The following CHORDC1 variants were observed in gnomAD, a reference collection of about 807,000 sequenced individuals.
CHORDC1 encodes cysteine and histidine-rich domain-containing protein 1.
In CHORDC1, 25 loss-of-function variants were observed where a neutral mutation model predicts 48.3. The ratio of observed to expected loss-of-function variants is 0.52; its 90% CI spans 0.38 to 0.72. The LOEUF is 0.72. Among genes scored for constraint, CHORDC1 ranks in the 30% least tolerant of loss-of-function variants. CHORDC1 has a pLI of 0.00. For synonymous variants in CHORDC1, 128 were observed against 126.4 expected, an observed-to-expected ratio of 1.01 and a Z score of -0.09; for missense variants, 317 against 388.7, an observed-to-expected ratio of 0.82 and a Z score of 1.55.
rs1221279872 is a variant in CHORDC1 at position 90,201,890 on chromosome 11, T to TA, written c.*514dup. The TA allele has an allele frequency of 6.6e-6, 1 of 152,356 alleles. No individual in the cohort carries two copies. Among genetic ancestry groups the TA allele is most frequent in the Non-Finnish European group, 1.5e-5 (1 of 67,990 alleles). The allele number at this position is 152,356 out of a possible 1,614,324, so 9.4% of individuals were successfully genotyped here. A position where few individuals can be genotyped will look rare whatever the true frequency, so the allele number is the denominator to read the frequency against. ...AATTCATATATTCCCCTTTAGTTAC[T>TA]ATACTACCTCAGAATTAATCCTCCT... On this transcript the variant is annotated 3_prime_UTR_variant, in exon 11 of 11. Coordinates refer to ENST00000320585, the MANE Select transcript of CHORDC1 (RefSeq NM_012124.3).
Position 90,223,046 on chromosome 11 carries a change from G to C in CHORDC1, c.-92C>G. 2 of 1,108,326 alleles carry C rather than the reference G, an allele frequency of 1.8e-6. No homozygotes were observed. The highest frequency in any genetic ancestry group is 2.5e-5 in the East Asian group (1 of 40,546). 68.7% of individuals were successfully genotyped at this position (1,108,326 alleles called of 1,614,324 possible). A position where few individuals can be genotyped will look rare whatever the true frequency, so the allele number is the denominator to read the frequency against. ...CCCGTGTCGCTAGCACCGGTCTGAC[G>C]ACTGAGGCGGCTACCGGCTTCCGGA... On this transcript the variant is annotated 5_prime_UTR_variant, in exon 1 of 11. Transcript: ENST00000320585.
chr11:90,206,826 C>T, intron 6 of CHORDC1: 10 of 1,254,518 alleles, frequency 8.0e-6, no homozygotes, highest in Non-Finnish European at 9.4e-6. Context: ...GATGAATTCA[C>T]AAAAAATTAT....
rs1453582878 is a variant in CHORDC1, at chr11:90,222,821, C to G, written c.64+70G>C. 3 of 1,409,274 alleles carry G rather than the reference C, an allele frequency of 2.1e-6. No individual in the cohort carries two copies. In the African/African-American group the frequency reaches 4.2e-5, roughly 20 times the overall value. The allele number at this position is 1,409,274 out of a possible 1,614,324, so 87.3% of individuals were successfully genotyped here. A position where few individuals can be genotyped will look rare whatever the true frequency, so the allele number is the denominator to read the frequency against. On this transcript the variant is annotated intron_variant, in intron 1 of 10. Transcript: ENST00000320585. ...CGGCTGCAGGAGATCCGCGGACACC[C>G]TCCGGCCCAAAGGGCCTCCCCTGCT...
intron 6 of CHORDC1, chr11:90,209,268 T>TGTC (rs1172736166): frequency 6.6e-6 from 1 of 152,204 alleles, no homozygotes; most frequent in East Asian, 1.9e-4. Flanking sequence ...TGGTTAATGG[T>TGTC]GTCACCAATC....
chr11:90,202,956 T>C (rs1857578675), intron 9 of CHORDC1, 81 bp from the exon 10 acceptor site: 2 of 1,430,726 alleles, frequency 1.4e-6, no homozygotes, highest in South Asian at 2.8e-5. Context: ...AAAATAAGAC[T>C]GACAAAAATG....
intron 4 of CHORDC1, chr11:90,213,169 G>A: frequency 2.5e-6 from 1 of 394,654 alleles, no homozygotes. Flanking sequence ...TCTGTACTCA[G>A]AGTGCTAATG....
At position 90,218,147 on chromosome 11, in the gene CHORDC1, G is replaced by A. The variant is rs146907011; in HGVS notation, c.102C>T (p.His34=). ...ATATAGTTCCTACCTTTAATGCATCGTGAAAGACCGGAACACCTGGGTGGT... is the reference window on the plus strand; with the variant it reads ...ATATAGTTCCTACCTTTAATGCATCATGAAAGACCGGAACACCTGGGTGGT... ...CTYHPGVPVF[H]DALKGWSCCK... Residue 34 remains histidine (H), a synonymous_variant, in exon 2 of 11, where the codon CAC becomes CAT. Coordinates refer to ENST00000320585, the MANE Select transcript of CHORDC1 (RefSeq NM_012124.3). 2.0e-5 allele frequency: 31 copies of A among 1,573,888 alleles called. No individual in the cohort carries two copies. The highest frequency in any genetic ancestry group is 1.8e-4 in the African/African-American group (13 of 71,604).
At chr11:90,222,044 A>T (rs537432773) in intron 1 of CHORDC1, among the ~76,000 whole-genome samples, 1 of 152,362 alleles carries the variant, frequency 6.6e-6, no homozygotes, top group African/African-American at 2.4e-5. Flanking sequence ...ACTAAATGCT[A>T]GTTCAATCTG....
intron 8 of CHORDC1, 55 bp downstream of exon 8, chr11:90,205,405 A>C: frequency 9.3e-7 from 1 of 1,077,576 alleles, no homozygotes; most frequent in Non-Finnish European, 1.4e-6. Context: ...AAATCTTTAA[A>C]AAATGACTCA....
intron 6 of CHORDC1, chr11:90,206,842 TA>T: frequency 9.2e-7 from 1 of 1,087,018 alleles, no homozygotes; most frequent in Non-Finnish European, 1.2e-6. Flanking sequence ...ATTATGTTAA[TA>T]AAACATGGAT....
Position 90,210,570 on chromosome 11 carries a change from A to C in CHORDC1, c.458T>G (p.Ile153Ser). The C allele has an allele frequency of 6.3e-7, 1 of 1,591,502 alleles. No homozygotes were observed. Among genetic ancestry groups the C allele is most frequent in the South Asian group, 1.1e-5 (1 of 89,932 alleles). Residue 153 changes from isoleucine to serine, a missense_variant, in exon 6 of 11, where the codon ATT becomes AGT. Transcript: ENST00000320585. ...CCCTCCATTCTTACATGAGGTCCCA[A>C]TCTTAATTTCATCATTGTCTTCTTC... ...KKEEDNDEIK[I>S]GTSCKNGGCS...
Position 90,202,191 on chromosome 11 carries a change from A to G in CHORDC1, c.*214T>C, listed in dbSNP as rs777741702. The stretch of plus-strand genomic sequence containing the variant: ...GGACACAACTATGGTTCCTACCAGT[A>G]GGGAGAAATGAATAATCAATCTTAC... On this transcript the variant is annotated 3_prime_UTR_variant, in exon 11 of 11. Coordinates refer to ENST00000320585, the MANE Select transcript of CHORDC1 (RefSeq NM_012124.3). The G allele has an allele frequency of 4.1e-5, 22 of 531,516 alleles. No individual in the cohort carries two copies. The highest frequency in any genetic ancestry group is 7.3e-5 in the Non-Finnish European group (22 of 300,202). The allele number at this position is 531,516 out of a possible 1,614,324, so 32.9% of individuals were successfully genotyped here. A position where few individuals can be genotyped will look rare whatever the true frequency, so the allele number is the denominator to read the frequency against.
intron 1 of CHORDC1, among the ~76,000 whole-genome samples, chr11:90,219,729 G>C (rs1449271754): frequency 1.3e-5 from 2 of 152,204 alleles, no homozygotes; most frequent in East Asian, 3.9e-4. Flanking sequence ...AAGGCTGTGA[G>C]ACCCCTGATT....
Position 90,202,346 on chromosome 11 carries a change from C to T in CHORDC1, c.*59G>A. 1 of 1,473,538 alleles carries T rather than the reference C, an allele frequency of 6.8e-7. No individual in the cohort carries two copies. The highest frequency in any genetic ancestry group is 9.4e-7 in the Non-Finnish European group (1 of 1,065,558). The allele number at this position is 1,473,538 out of a possible 1,614,324, so 91.3% of individuals were successfully genotyped here. The stretch of plus-strand genomic sequence containing the variant: ...ACAAAAGATTACAGCAGCAAGCCAC[C>T]ACTTCACACAGTATTAAAAATTCGG... On this transcript the variant is annotated 3_prime_UTR_variant, in exon 11 of 11. Transcript: ENST00000320585.
At chr11:90,219,169 C>T (rs1331897037) in intron 1 of CHORDC1, among the ~76,000 whole-genome samples, 2 of 151,968 alleles carry the variant, frequency 1.3e-5, no homozygotes, top group African/African-American at 4.8e-5. Context: ...AGGATCTTGA[C>T]AGGAGAATCG....
At chr11:90,213,443 T>C in intron 4 of CHORDC1, 1 of 695,338 alleles carries the variant, frequency 1.4e-6, no homozygotes, top group Non-Finnish European at 2.6e-6. Flanking sequence ...AGGTACTCAA[T>C]ATACATGTGT....
Position 90,202,279 on chromosome 11 carries a change from A to T in CHORDC1, c.*126T>A. On this transcript the variant is annotated 3_prime_UTR_variant, in exon 11 of 11. Coordinates refer to ENST00000320585, the MANE Select transcript of CHORDC1 (RefSeq NM_012124.3). ...ACTGACTTTGGCTTTTAAGAACCTA[A>T]TGTTAACCCTGAAATGCCACATTCA... The T allele has an allele frequency of 1.1e-6, 1 of 880,498 alleles. No individual in the cohort carries two copies. The highest frequency in any genetic ancestry group is 1.7e-5 in the South Asian group (1 of 59,652). The allele number at this position is 880,498 out of a possible 1,614,324, so 54.5% of individuals were successfully genotyped here. A position where few individuals can be genotyped will look rare whatever the true frequency, so the allele number is the denominator to read the frequency against.
At chr11:90,213,231 T>A in intron 4 of CHORDC1, 1 of 537,782 alleles carries the variant, frequency 1.9e-6, no homozygotes, top group South Asian at 2.6e-5. Flanking sequence ...TTCTATATTA[T>A]TCAATACTCT....
At position 90,215,242 on chromosome 11, in the gene CHORDC1, A is replaced by G; in HGVS notation, c.115-12T>C. The G allele has an allele frequency of 1.3e-6, 2 of 1,534,580 alleles. No individual in the cohort carries two copies. The highest frequency in any genetic ancestry group is 4.8e-5 in the East Asian group (2 of 41,918). Reference sequence around the variant, plus strand: ...CAGCAAGACCAACCCTATGAAAAACAAGAGAAGGAAACTAAAAACTCTATT... The same window carrying G: ...CAGCAAGACCAACCCTATGAAAAACGAGAGAAGGAAACTAAAAACTCTATT... On this transcript the variant is annotated splice_polypyrimidine_tract_variant and intron_variant, in intron 2 of 10. Transcript: ENST00000320585.
Sources: gnomAD v4.1 joint callset for allele counts (sites outside exome capture counted in the v4.1 genomes callset) on GRCh38, gnomAD v4.1.1 for gene constraint, MANE v1.5 for transcripts, NCBI Gene and HGNC (gene_info 2026-07-23, HGNC 2026-07-21) for gene names.